Variants in CHD7 observed in about 807,000 individuals in gnomAD.
The protein encoded by CHD7 is ATP-dependent chromatin remodeler CHD7.
CHD7 carries 24 observed loss-of-function variants against 307.3 expected under a neutral mutation model. The observed-to-expected ratio is 0.08, with a 90% CI of 0.06 to 0.11. The LOEUF (loss-of-function observed/expected upper bound fraction) is 0.11. Ranked by LOEUF, CHD7 falls within the 10% of genes least tolerant of loss-of-function variation. The pLI, the probability that CHD7 is intolerant of heterozygous loss-of-function variation, is 1.00. For missense variants in CHD7, 3,106 were observed against 3,727.1 expected (o/e 0.83, Z 4.34); for synonymous variants, 1,363 against 1,349.9 (o/e 1.01, Z -0.21).
At chr8:60,765,064 T>A (rs1810400132) in intron 2 of CHD7, among the ~76,000 whole-genome samples, 1 of 152,182 alleles carries the variant, frequency 6.6e-6, no homozygotes, top group African/African-American at 2.4e-5. Flanking sequence ...AGAGAGCACA[T>A]GAGCAGCTGC....
chr8:60,838,301 A>T (rs7844902), intron 19 of CHD7, 46 bp downstream of exon 19: 1 of 1,536,092 alleles, frequency 6.5e-7, no homozygotes, highest in Non-Finnish European at 8.9e-7. Flanking sequence ...GAAGCATGAC[A>T]GAGTTCATGT....
At chr8:60,784,460 T>C (rs1017277737) in intron 3 of CHD7, among the ~76,000 whole-genome samples, 9 of 152,210 alleles carry the variant, frequency 5.9e-5, no homozygotes, top group Admixed American at 1.3e-4. Flanking sequence ...TACAAACAAG[T>C]GTGCTGTTCT....
rs999048938 is a variant in CHD7 at position 60,697,818 on chromosome 8, A to G, written c.-175+18736A>G. Among the ~76,000 whole-genome samples, 3 of 152,370 alleles carry G rather than the reference A, an allele frequency of 2.0e-5. 1 individual carries two copies. Among genetic ancestry groups the G allele is most frequent in the East Asian group, 3.9e-4 (2 of 5,192 alleles). On this transcript the variant is annotated intron_variant, in intron 1 of 37. Transcript: ENST00000423902. ...TAGCAAAAATATGTCCCAGCTATGT[A>G]TATCACTTTAATCACACGTGGTGCC...
chr8:60,795,272 G>A, intron 4 of CHD7, 145 bp downstream of exon 4: 3 of 761,482 alleles, frequency 3.9e-6, no homozygotes, highest in South Asian at 5.8e-5. Flanking sequence ...TATCTCCATA[G>A]CGATGTAGGG....
rs576926688 is a variant in CHD7 at position 60,835,860 on chromosome 8, G to A, written c.3779-213G>A. 3.3e-5 allele frequency among the ~76,000 whole-genome samples: 5 copies of A among 152,232 alleles called. No homozygotes were observed. In the South Asian group the frequency reaches 1.0e-3, roughly 32 times the overall value. On this transcript the variant is annotated intron_variant, in intron 15 of 37. Transcript: ENST00000423902. ...GAAAAATGTGGTTTTCCCCCTGAAT[G>A]CCTCAATGTGTTGTGCTTAAAACTT...
chr8:60,862,817 C>CA, intron 37 of CHD7, 165 bp downstream of exon 37: 2 of 590,390 alleles, frequency 3.4e-6, no homozygotes, highest in Non-Finnish European at 6.0e-6. Flanking sequence ...ATTAATACAT[C>CA]ATTAATCCAA....
intron 2 of CHD7, among the ~76,000 whole-genome samples, chr8:60,777,946 T>G (rs1271175400): frequency 6.6e-6 from 1 of 152,242 alleles, no homozygotes; most frequent in Non-Finnish European, 1.5e-5. Context: ...ATGTTTGCTC[T>G]AATAAATGAG....
At chr8:60,837,540 A>T in intron 17 of CHD7, 128 bp from the exon 18 acceptor site, 1 of 757,288 alleles carries the variant, frequency 1.3e-6, no homozygotes, top group Non-Finnish European at 2.1e-6. Context: ...TTCATGACCT[A>T]ATTACTTCCC....
rs2129725268 is a variant in CHD7, at chr8:60,862,572, A to G, written c.7996A>G (p.Met2666Val). ...KKMGGAMAPP[M>V]KDLPRWLEEN... ...GATGGGTGGAGCTATGGCGCCTCCA[A>G]TGAAGGATCTACCCAGGTGGCTGGA... is the stretch of plus-strand genomic sequence containing the variant. Residue 2666 changes from methionine to valine, a missense_variant, in exon 37 of 38, where the codon ATG (methionine) becomes GTG (valine). Physicochemically the swap from Met to Val is conservative, Grantham distance 21. Around this residue, in one of 10 missense-constraint regions of CHD7, gnomAD observed 59 missense variants for 106.2 expected, o/e 0.56. Coordinates refer to ENST00000423902, the MANE Select transcript of CHD7 (RefSeq NM_017780.4). 3 of 1,577,096 alleles carry G rather than the reference A, an allele frequency of 1.9e-6. No homozygotes were observed. The highest frequency in any genetic ancestry group is 2.6e-6 in the Non-Finnish European group (3 of 1,160,158).
intron 34 of CHD7, among the ~76,000 whole-genome samples, chr8:60,860,681 C>A (rs897761269): frequency 1.3e-5 from 2 of 152,180 alleles, no homozygotes; most frequent in South Asian, 4.1e-4. Flanking sequence ...GTGATCCGCC[C>A]ACCTCGGCCT....
Position 60,781,291 on chromosome 8 carries a change from C to T in CHD7, c.1957C>T (p.Pro653Ser), listed in dbSNP as rs1483205730. The change falls in exon 3 of 38, where the codon CCG becomes TCG. Residue 653 changes from proline (P) to serine (S), a missense_variant. Pro to Ser is a moderately conservative substitution (Grantham distance 74). Transcript: ENST00000423902. ...KKKRSKAKKD[P>S]KEPKEPKEKK... Reference sequence around the variant, plus strand: ...GAAAAGGTCAAAGGCAAAAAAAGACCCGAAGGAACCGAAAGAACCCAAGGA... The same window carrying T: ...GAAAAGGTCAAAGGCAAAAAAAGACTCGAAGGAACCGAAAGAACCCAAGGA... The T allele has an allele frequency of 6.4e-7, 1 of 1,562,818 alleles. No individual in the cohort carries two copies. Among genetic ancestry groups the T allele is most frequent in the Non-Finnish European group, 8.7e-7 (1 of 1,154,242 alleles).
At chr8:60,836,649 A>G (rs1804754961) in intron 16 of CHD7, among the ~76,000 whole-genome samples, 168 bp from the exon 17 acceptor site, 1 of 152,222 alleles carries the variant, frequency 6.6e-6, no homozygotes, top group Non-Finnish European at 1.5e-5. Context: ...CATTCAATCA[A>G]TTATATAAAA....
At chr8:60,808,416 C>A in intron 7 of CHD7, 144 bp downstream of exon 7, 1 of 619,848 alleles carries the variant, frequency 1.6e-6, no homozygotes, top group Non-Finnish European at 2.8e-6. Context: ...TTTTAACCAA[C>A]TTTTGTATGT....
At chr8:60,850,951 T>G (rs974407641) in intron 26 of CHD7, 81 bp from the exon 27 acceptor site, 1 of 970,602 alleles carries the variant, frequency 1.0e-6, no homozygotes, top group Non-Finnish European at 1.5e-6. Flanking sequence ...CTGGGCAGAT[T>G]ATTACTCTTT....
chr8:60,761,374 G>T (rs766855842), intron 2 of CHD7, among the ~76,000 whole-genome samples: 1 of 150,566 alleles, frequency 6.6e-6, no homozygotes, highest in South Asian at 2.1e-4. Context: ...GATAGCACTG[G>T]GAGATATACC....
Position 60,718,224 on chromosome 8 carries a change from C to T in CHD7, c.-174-23035C>T, listed in dbSNP as rs187158742. ...GGTCGCGGTAGCTCACACCTGTAAT[C>T]CCAGCACTTTGGGAGGCTAAGGTGG... On this transcript the variant is annotated intron_variant, in intron 1 of 37. Coordinates refer to ENST00000423902, the MANE Select transcript of CHD7 (RefSeq NM_017780.4). Among the ~76,000 whole-genome samples, 6 of 152,246 alleles carry T rather than the reference C, an allele frequency of 3.9e-5. No homozygotes were observed. The East Asian group carries it at 9.6e-4, about 24-fold the overall frequency.
intron 26 of CHD7, 57 bp from the exon 27 acceptor site, chr8:60,850,975 C>CT: frequency 8.0e-7 from 1 of 1,256,994 alleles, no homozygotes; most frequent in Non-Finnish European, 1.1e-6. Context: ...ACCCACCCCC[C>CT]TTCCTTCTTT....
chr8:60,744,819 C>T (rs1354782651), intron 2 of CHD7, among the ~76,000 whole-genome samples: 1 of 150,700 alleles, frequency 6.6e-6, no homozygotes, highest in Non-Finnish European at 1.5e-5. Context: ...TGTGCCACTT[C>T]ACTCCAGCCT....
chr8:60,826,878 A>T (rs1044114802), intron 13 of CHD7, among the ~76,000 whole-genome samples: 2 of 152,250 alleles, frequency 1.3e-5, no homozygotes, highest in Admixed American at 1.3e-4. Flanking sequence ...ACATCACTTC[A>T]TCAGAGCTAA....
Sources: allele counts gnomAD v4.1 joint callset (sites outside exome capture counted in the v4.1 genomes callset), GRCh38; gene constraint gnomAD v4.1.1; regional missense constraint gnomAD v4.1.1; transcripts MANE v1.5; gene names NCBI Gene and HGNC (gene_info 2026-07-23, HGNC 2026-07-21).